Variants in PABPC1L observed in about 807,000 individuals in gnomAD.
The protein encoded by PABPC1L is polyadenylate-binding protein 1-like.
A neutral mutation model predicts 66.6 loss-of-function variants in PABPC1L; 31 were observed. The ratio of observed to expected loss-of-function variants is 0.47; its 90% confidence interval spans 0.35 to 0.63. PABPC1L has a LOEUF of 0.63. Ranked by LOEUF, PABPC1L falls within the 20% of genes least tolerant of loss-of-function variation. The pLI is 0.00. For synonymous variants in PABPC1L, 348 were observed against 335.1 expected (o/e 1.04, Z -0.42); for missense variants, 722 against 848.8 (o/e 0.85, Z 1.86).
At chr20:44,937,146 AG>A (rs2066907685) in intron 12 of PABPC1L, 2 of 370,188 alleles carry the variant, frequency 5.4e-6, no homozygotes. Context: ...CAATGCGGGC[AG>A]GTGGGGCATC....
intron 7 of PABPC1L, among the ~76,000 whole-genome samples, chr20:44,927,702 C>CT (rs1404471647): frequency 6.6e-6 from 1 of 152,034 alleles, no homozygotes; most frequent in South Asian, 2.1e-4. Flanking sequence ...TTTTTAAAAA[C>CT]TTTTTTGAGA....
intron 6 of PABPC1L, among the ~76,000 whole-genome samples, chr20:44,923,345 T>C (rs945802051): frequency 6.6e-6 from 1 of 152,106 alleles, no homozygotes; most frequent in Non-Finnish European, 1.5e-5. Flanking sequence ...AAACGTGGCC[T>C]GTCGTGGTGG....
intron 5 of PABPC1L, 144 bp from the exon 6 acceptor site, chr20:44,921,450 A>G: frequency 3.3e-6 from 4 of 1,214,612 alleles, no homozygotes; most frequent in Non-Finnish European, 4.6e-6. Flanking sequence ...GGGTATACTT[A>G]AATGGCCTTT....
intron 5 of PABPC1L, 71 bp from the exon 6 acceptor site, chr20:44,921,522 AT>A: frequency 6.3e-7 from 1 of 1,577,298 alleles, no homozygotes; most frequent in Non-Finnish European, 8.6e-7. Context: ...GCCCCTCTAG[AT>A]CCAGAAGATG....
Position 44,936,677 on chromosome 20 carries a change from T to TGACCGCGTCCATGCTGGCTGC in PABPC1L, c.1609_1629dup (p.Thr537_Ala543dup). ...GTGCACATCCCAGGACAGGAGCCCC[T>TGACCGCGTCCATGCTGGCTGC]GACCGCGTCCATGCTGGCTGCGGCG... On this transcript the variant is annotated inframe_insertion, in exon 12 of 15. Coordinates refer to ENST00000217073, the MANE Select transcript of PABPC1L (RefSeq NM_001372179.1). The TGACCGCGTCCATGCTGGCTGC allele has an allele frequency of 6.2e-7, 1 of 1,607,888 alleles. No homozygotes were observed. Among genetic ancestry groups the TGACCGCGTCCATGCTGGCTGC allele is most frequent in the Non-Finnish European group, 8.5e-7 (1 of 1,177,982 alleles).
rs1393571701 is a variant in PABPC1L, at chr20:44,919,202, G to A, written c.663G>A (p.Lys221=). 6.2e-7 allele frequency: 1 copy of A among 1,614,186 alleles called. No individual in the cohort carries two copies. The highest frequency in any genetic ancestry group is 1.7e-5 in the Admixed American group (1 of 60,026). ...FSQFGKMLSV[K]VMRDNSGHSR... ...TTGCAGGGAAAATGCTGAGTGTGAA[G>A]GTGATGAGGGACAACAGCGGCCACT... Residue 221 remains lysine (K), a synonymous_variant, in exon 5 of 15, where the codon AAG becomes AAA. Transcript: ENST00000217073.
rs114707442 is a variant in PABPC1L at position 44,918,349 on chromosome 20, A to C, written c.504-557A>C. Among the ~76,000 whole-genome samples, 786 of 152,352 alleles carry C rather than the reference A, an allele frequency of 5.2e-3. 5 individuals are homozygous for C. Among genetic ancestry groups the C allele is most frequent in the African/African-American group, 0.018 (740 of 41,578 alleles). The stretch of plus-strand genomic sequence containing the variant: ...AGTGTCAAAAACATAATAAATAAAA[A>C]TAAAATTAATCTTGTATTTAAGTGA... On this transcript the variant is annotated intron_variant, in intron 3 of 14. Transcript: ENST00000217073.
At chr20:44,916,604 C>T (rs1051714199) in intron 2 of PABPC1L, 152 bp from the exon 3 acceptor site, 2 of 721,722 alleles carry the variant, frequency 2.8e-6, no homozygotes, top group Non-Finnish European at 4.9e-6. Flanking sequence ...AGTGGTGACA[C>T]TCTTTGAGCT....
At chr20:44,921,094 G>A (rs1452099609) in intron 5 of PABPC1L, among the ~76,000 whole-genome samples, 1 of 151,336 alleles carries the variant, frequency 6.6e-6, no homozygotes, top group African/African-American at 2.4e-5. Context: ...ATTACCAGGT[G>A]TGAGCCACTG....
In PABPC1L at chr20:44,937,030, G is replaced by C. The variant is rs189516516; in HGVS notation, c.1660+300G>C. ...TCAGGGGACAAAGGGAGGAGTAGGGGTATGGTCTTGGGTTTCTGCTGAGAA... is the reference window on the plus strand; with the variant it reads ...TCAGGGGACAAAGGGAGGAGTAGGGCTATGGTCTTGGGTTTCTGCTGAGAA... On this transcript the variant is annotated intron_variant, in intron 12 of 14. Transcript: ENST00000217073. 64 of 531,548 alleles carry C rather than the reference G, an allele frequency of 1.2e-4. No individual in the cohort carries two copies. In the East Asian group the frequency reaches 1.9e-3, roughly 15 times the overall value. The allele number at this position is 531,548 out of a possible 1,614,324, so 32.9% of individuals were successfully genotyped here.
intron 1 of PABPC1L, among the ~76,000 whole-genome samples, chr20:44,910,689 A>G (rs2066698332): frequency 6.6e-6 from 1 of 152,152 alleles, no homozygotes; most frequent in Non-Finnish European, 1.5e-5. Flanking sequence ...TGTCTGGAAA[A>G]TGGGGGTCCT....
At chr20:44,932,142 AGATC>A in intron 8 of PABPC1L, 196 bp from the exon 9 acceptor site, 1 of 403,882 alleles carries the variant, frequency 2.5e-6, no homozygotes, top group Non-Finnish European at 4.4e-6. Context: ...TTGAAATCTA[AGATC>A]TTTGCCCTGC....
chr20:44,932,361 A>G lies in PABPC1L; in HGVS notation c.1259A>G (p.Tyr420Cys), dbSNP rs775204892. 3.8e-5 allele frequency: 62 copies of G among 1,613,356 alleles called. No homozygotes were observed. The highest frequency in any genetic ancestry group is 4.3e-5 in the Non-Finnish European group (51 of 1,179,644). ...AMPQPPAQAA[Y>C]YGCGPVTPTQ... ...ATGCAGCCTCCAGCCCAGGCTGCAT[A>G]CTATGGCTGTGGCCCAGTGACACCC... Residue 420 changes from tyrosine (Y) to cysteine (C), a missense_variant, in exon 9 of 15, where the codon TAC becomes TGC. Tyr to Cys is a radical substitution (Grantham distance 194). Around this residue, in one of 3 missense-constraint regions of PABPC1L, gnomAD observed 301 missense variants for 337.2 expected, o/e 0.89. Coordinates refer to ENST00000217073, the MANE Select transcript of PABPC1L (RefSeq NM_001372179.1).
chr20:44,933,264 C>A, intron 10 of PABPC1L, 79 bp downstream of exon 10: 1 of 1,199,966 alleles, frequency 8.3e-7, no homozygotes. Flanking sequence ...CCATGGTGAC[C>A]TTGCCATATG....
In PABPC1L at chr20:44,933,057, C is replaced by G. The variant is rs773445344; in HGVS notation, c.1331C>G (p.Ser444Cys). ...RWTSQPPRPS[S>C]AYPPGASMVR... is the part of the protein sequence containing the mutation. ...CTCTCTGTGGTGTCTGCACCACAAG[C>G]TGCCTACCCTCCAGGTGCCTCAATG... Residue 444 changes from serine (S) to cysteine (C), a missense_variant and splice_region_variant, in exon 10 of 15, where the codon TCT (serine) becomes TGT (cysteine). Physicochemically the swap from Ser to Cys is moderately radical, Grantham distance 112. Around this residue, in one of 3 missense-constraint regions of PABPC1L, gnomAD observed 301 missense variants for 337.2 expected, o/e 0.89. Coordinates refer to ENST00000217073, the MANE Select transcript of PABPC1L (RefSeq NM_001372179.1). 1 of 1,570,934 alleles carries G rather than the reference C, an allele frequency of 6.4e-7. No homozygotes were observed. Among genetic ancestry groups the G allele is most frequent in the Non-Finnish European group, 8.6e-7 (1 of 1,157,076 alleles).
chr20:44,919,042 T>A lies in PABPC1L; in HGVS notation c.640T>A (p.Phe214Ile). ...EQGLQDLFSQ[F>I]GKMLSVKVMR... ...AGGCCTGCAGGACCTCTTCTCCCAGTTTGGTGGGTGTGTCCCCAAGGGAGC... is the reference window on the plus strand; with the variant it reads ...AGGCCTGCAGGACCTCTTCTCCCAGATTGGTGGGTGTGTCCCCAAGGGAGC... Residue 214 changes from phenylalanine to isoleucine, a missense_variant, in exon 4 of 15, where the codon TTT becomes ATT. Phe to Ile is a conservative substitution (Grantham distance 21). This residue lies in a region of PABPC1L where 284 missense variants were observed against 294.8 expected (regional missense o/e 0.96). Coordinates refer to ENST00000217073, the MANE Select transcript of PABPC1L (RefSeq NM_001372179.1). 1 of 1,611,104 alleles carries A rather than the reference T, an allele frequency of 6.2e-7. No homozygotes were observed. The highest frequency in any genetic ancestry group is 8.5e-7 in the Non-Finnish European group (1 of 1,178,360).
At chr20:44,922,219 G>A (rs1239671477) in intron 6 of PABPC1L, among the ~76,000 whole-genome samples, 1 of 152,070 alleles carries the variant, frequency 6.6e-6, no homozygotes, top group Non-Finnish European at 1.5e-5. Context: ...AACTTCATTG[G>A]GAAGTGAACC....
At position 44,921,669 on chromosome 20, in the gene PABPC1L, C is replaced by A. The variant is rs575662446; in HGVS notation, c.814C>A (p.Arg272=). 1 of 1,613,994 alleles carries A rather than the reference C, an allele frequency of 6.2e-7. No individual in the cohort carries two copies. The highest frequency in any genetic ancestry group is 8.5e-7 in the Non-Finnish European group (1 of 1,179,980). ...YAGRAQKRVE[R]QNELKRRFEQ... ...GGGCCGGGCCCAAAAGCGCGTGGAG[C>A]GGCAGAATGAACTGAAGCGCAGGTT... Residue 272 remains arginine, a synonymous_variant, in exon 6 of 15, where the codon CGG becomes AGG. Coordinates refer to ENST00000217073, the MANE Select transcript of PABPC1L (RefSeq NM_001372179.1).
Position 44,919,041 on chromosome 20 carries a change from G to T in PABPC1L, c.639G>T (p.Gln213His). The change falls in exon 4 of 15, where the codon CAG (glutamine) becomes CAT (histidine). Residue 213 changes from glutamine (Q) to histidine (H), a missense_variant. By Grantham distance (24) the Gln-to-His change is conservative. Coordinates refer to ENST00000217073, the MANE Select transcript of PABPC1L (RefSeq NM_001372179.1). ...AAGGCCTGCAGGACCTCTTCTCCCA[G>T]TTTGGTGGGTGTGTCCCCAAGGGAG... ...DEQGLQDLFS[Q>H]FGKMLSVKVM... 6.2e-7 allele frequency: 1 copy of T among 1,611,482 alleles called. No individual in the cohort carries two copies. Among genetic ancestry groups the T allele is most frequent in the Admixed American group, 1.7e-5 (1 of 59,808 alleles).
Sources: allele counts gnomAD v4.1 joint callset (sites outside exome capture counted in the v4.1 genomes callset), GRCh38; gene constraint gnomAD v4.1.1; regional missense constraint gnomAD v4.1.1; transcripts MANE v1.5; gene names NCBI Gene and HGNC (gene_info 2026-07-23, HGNC 2026-07-21).